RP1: variants seen among roughly 807,000 people sequenced by gnomAD.
The protein encoded by RP1 is RP1 axonemal microtubule associated.
A neutral mutation model predicts 14.8 loss-of-function variants in RP1; 16 were observed. The ratio of observed to expected loss-of-function variants is 1.08; its 90% CI spans 0.73 to 1.65. The LOEUF is 1.65. Ranked by LOEUF, RP1 falls within the 40% of genes most tolerant of loss-of-function variation. The probability of loss-of-function intolerance (pLI) is 0.00; values close to 1 mark genes in which losing one functional copy is unlikely to be tolerated. For synonymous variants in RP1, 876 were observed against 883.6 expected, an observed-to-expected ratio of 0.99 and a Z score of 0.15; for missense variants, 2,631 against 2,535.0, an observed-to-expected ratio of 1.04 and a Z score of -0.81.
rs1812216225 is a variant in RP1, at chr8:54,856,913, A to G, written c.3991-115A>G. On this transcript the variant is annotated intron_variant, in intron 26 of 28. Coordinates refer to the RP1 transcript ENST00000637698. ...CACATAAAATAGTAATTTTTATAGTAGTAGTAAGAATACTATATAGTATAG... is the reference window on the plus strand; with the variant it reads ...CACATAAAATAGTAATTTTTATAGTGGTAGTAAGAATACTATATAGTATAG... The G allele has an allele frequency of 1.4e-5, 5 of 346,420 alleles. No homozygotes were observed. In the East Asian group the frequency reaches 1.7e-4, roughly 12 times the overall value. 21.5% of individuals were successfully genotyped at this position (346,420 alleles called of 1,614,324 possible). A position where few individuals can be genotyped will look rare whatever the true frequency, so the allele number is the denominator to read the frequency against.
At chr8:54,848,064 G>A (rs191663103) in intron 25 of RP1, among the ~76,000 whole-genome samples, 4 of 152,056 alleles carry the variant, frequency 2.6e-5, no homozygotes, top group African/African-American at 4.8e-5. Flanking sequence ...ACATGTGATC[G>A]CTCTCTCTCC....
intron 19 of RP1, among the ~76,000 whole-genome samples, chr8:54,745,846 G>A (rs1191356226): frequency 3.9e-5 from 6 of 151,910 alleles, no homozygotes; most frequent in Non-Finnish European, 7.4e-5. Context: ...CATCCATATC[G>A]ACTCTTTCAT....
rs187535345 is a variant in RP1, at chr8:54,755,898, C to T, written c.3093+128C>T. The T allele has an allele frequency of 1.0e-5, 9 of 871,548 alleles. No homozygotes were observed. In the Admixed American group the frequency reaches 2.5e-4, roughly 24 times the overall value. The allele number at this position is 871,548 out of a possible 1,614,324, so 54.0% of individuals were successfully genotyped here. A position where few individuals can be genotyped will look rare whatever the true frequency, so the allele number is the denominator to read the frequency against. On this transcript the variant is annotated intron_variant, in intron 21 of 22. Transcript: ENST00000636932. ...TTTTAAGACATCTTTAACACATTTT[C>T]CTGACCTGACTTCCTAATGTGCTTT...
At position 54,849,541 on chromosome 8, in the gene RP1, T is replaced by C. The variant is rs141873741; in HGVS notation, c.3836-3033T>C. Reference sequence around the variant, plus strand: ...TGTGCTTGCTACAGTAAGCAGAGACTGAAGAATCCAGGGATTAAGGATACT... The same window carrying C: ...TGTGCTTGCTACAGTAAGCAGAGACCGAAGAATCCAGGGATTAAGGATACT... On this transcript the variant is annotated intron_variant, in intron 25 of 28. Transcript: ENST00000637698. 6.7e-4 allele frequency among the ~76,000 whole-genome samples: 102 copies of C among 152,316 alleles called. 1 individual carries two copies. The highest frequency in any genetic ancestry group is 1.2e-3 in the Admixed American group (18 of 15,300).
intron 4 of RP1, among the ~76,000 whole-genome samples, chr8:54,650,422 C>CT (rs978288212): frequency 1.3e-5 from 2 of 151,806 alleles, no homozygotes; most frequent in Non-Finnish European, 2.9e-5. Flanking sequence ...CTTTTCTTTT[C>CT]TTTTTTATTA....
chr8:54,767,658 C>A (rs1216687003), intron 22 of RP1, among the ~76,000 whole-genome samples: 1 of 152,142 alleles, frequency 6.6e-6, no homozygotes, highest in South Asian at 2.1e-4. Context: ...CCTTGCTGGG[C>A]CTAAAGTCTG....
At chr8:54,594,379 G>A (rs1805095864) in intron 1 of RP1, among the ~76,000 whole-genome samples, 1 of 152,224 alleles carries the variant, frequency 6.6e-6, no homozygotes, top group South Asian at 2.1e-4. Context: ...TGGCAGCTAA[G>A]CTGTTGGATC....
At chr8:54,605,017 G>GT (rs1185188736) in intron 1 of RP1, among the ~76,000 whole-genome samples, 7 of 151,832 alleles carry the variant, frequency 4.6e-5, no homozygotes, top group African/African-American at 1.7e-4. Context: ...TTTTTGAAGG[G>GT]TTTTTTGTGT....
At chr8:54,815,128 C>T (rs1713165904) in intron 24 of RP1, among the ~76,000 whole-genome samples, 1 of 152,218 alleles carries the variant, frequency 6.6e-6, no homozygotes, top group Admixed American at 6.5e-5. Context: ...AACTCTTAGT[C>T]ATAGAAAAAT....
chr8:54,753,638 T>C (rs544246156), intron 19 of RP1, among the ~76,000 whole-genome samples: 3 of 152,254 alleles, frequency 2.0e-5, no homozygotes, highest in African/African-American at 4.8e-5. Context: ...AACTAGAACA[T>C]AGCACATGAG....
At chr8:54,832,389 T>C (rs1811551541) in intron 24 of RP1, among the ~76,000 whole-genome samples, 1 of 151,860 alleles carries the variant, frequency 6.6e-6, no homozygotes, top group Non-Finnish European at 1.5e-5. Context: ...TACTGACTTT[T>C]TTGTGTCTAA....
At chr8:54,742,829 C>T (rs918668834) in intron 19 of RP1, among the ~76,000 whole-genome samples, 4 of 152,114 alleles carry the variant, frequency 2.6e-5, no homozygotes, top group African/African-American at 4.8e-5. Flanking sequence ...TCTCTGGGGC[C>T]TGTGAGTGAG....
intron 12 of RP1, among the ~76,000 whole-genome samples, chr8:54,684,624 G>C (rs1199322821): frequency 6.6e-6 from 1 of 151,956 alleles, no homozygotes; most frequent in Non-Finnish European, 1.5e-5. Flanking sequence ...ATTATCTGAT[G>C]GCTGTTTGTA....
chr8:54,567,714 G>A (rs558361681), intron 1 of RP1, among the ~76,000 whole-genome samples: 1 of 152,280 alleles, frequency 6.6e-6, no homozygotes, highest in East Asian at 1.9e-4. Context: ...AAATTCTTGG[G>A]TCCTCTGAAG....
intron 3 of RP1, among the ~76,000 whole-genome samples, chr8:54,622,508 A>T (rs1422899654): frequency 6.6e-6 from 1 of 152,230 alleles, no homozygotes; most frequent in Non-Finnish European, 1.5e-5. Context: ...TGGTATGCCT[A>T]TTTAAATTGA....
chr8:54,811,606 A>G (rs1810997012), intron 24 of RP1, among the ~76,000 whole-genome samples: 1 of 152,226 alleles, frequency 6.6e-6, no homozygotes, highest in Non-Finnish European at 1.5e-5. Context: ...CCGGACAGAC[A>G]TAGGACTTCA....
chr8:54,608,573 C>G (rs1805516254), intron 1 of RP1, among the ~76,000 whole-genome samples: 2 of 152,028 alleles, frequency 1.3e-5, no homozygotes, highest in Non-Finnish European at 2.9e-5. Flanking sequence ...AGGGAGGAAT[C>G]TAGTGAAAAT....
chr8:54,735,215 G>A (rs1012302764), intron 18 of RP1, among the ~76,000 whole-genome samples: 1 of 151,632 alleles, frequency 6.6e-6, no homozygotes, highest in Non-Finnish European at 1.5e-5. Context: ...CATTTCCTTG[G>A]CATCTTCACA....
At chr8:54,575,498 A>T (rs1246471111) in intron 1 of RP1, among the ~76,000 whole-genome samples, 1 of 152,176 alleles carries the variant, frequency 6.6e-6, no homozygotes, top group East Asian at 1.9e-4. Context: ...TGGAGAATGG[A>T]ATAGCCATCC....
Sources: gnomAD v4.1 joint callset for allele counts (sites outside exome capture counted in the v4.1 genomes callset) on GRCh38, gnomAD v4.1.1 for gene constraint, MANE v1.5 for transcripts, NCBI Gene and HGNC (gene_info 2026-07-23, HGNC 2026-07-21) for gene names.